The following SLC25A13 variants were observed in gnomAD, a reference collection of about 807,000 sequenced individuals.
The protein encoded by SLC25A13 is solute carrier family 25 member 13, also known as electrogenic aspartate/glutamate antiporter SLC25A13, mitochondrial.
SLC25A13 carries 70 observed loss-of-function variants against 85.5 expected under a neutral mutation model. The ratio of observed to expected loss-of-function variants is 0.82; its 90% CI spans 0.68 to 1.00. The LOEUF (loss-of-function observed/expected upper bound fraction) is 1.00. Among genes scored for constraint, SLC25A13 ranks in the 50% least tolerant of loss-of-function variants. The probability of loss-of-function intolerance (pLI) is 0.00; values close to 1 mark genes in which losing one functional copy is unlikely to be tolerated. For missense variants in SLC25A13, 765 were observed against 819.8 expected (o/e 0.93, Z 0.82); for synonymous variants, 259 against 288.7 (o/e 0.90, Z 1.04).
intron 3 of SLC25A13, among the ~76,000 whole-genome samples, chr7:96,236,311 A>G (rs982206760): frequency 3.3e-5 from 5 of 152,112 alleles, no homozygotes; most frequent in Non-Finnish European, 7.3e-5. Flanking sequence ...TCTCTCACCG[A>G]GACTCTGCGT....
intron 1 of SLC25A13, among the ~76,000 whole-genome samples, chr7:96,305,236 A>T (rs1799701923): frequency 6.6e-6 from 1 of 152,170 alleles, no homozygotes; most frequent in Non-Finnish European, 1.5e-5. Flanking sequence ...TTAGACACTA[A>T]TTATAATACC....
chr7:96,167,241 CAT>C (rs1793791043), intron 13 of SLC25A13, among the ~76,000 whole-genome samples: 1 of 152,162 alleles, frequency 6.6e-6, no homozygotes, highest in Admixed American at 6.5e-5. Flanking sequence ...AGCCCTTTTA[CAT>C]ATGTCAGTGA....
chr7:96,275,217 T>C (rs142795381), intron 3 of SLC25A13, among the ~76,000 whole-genome samples: 1,716 of 152,188 alleles, frequency 0.011, 30 homozygotes, highest in African/African-American at 0.04. Flanking sequence ...ATGGCGATCA[T>C]TAAAAAGTCA....
At chr7:96,290,620 G>A (rs1224201159) in intron 2 of SLC25A13, among the ~76,000 whole-genome samples, 1 of 151,390 alleles carries the variant, frequency 6.6e-6, no homozygotes, top group South Asian at 2.1e-4. Flanking sequence ...AAAGGCAGGG[G>A]TTGCAATCTT....
chr7:96,218,773 T>C (rs1013176359), intron 4 of SLC25A13, among the ~76,000 whole-genome samples: 1 of 152,170 alleles, frequency 6.6e-6, no homozygotes, highest in Non-Finnish European at 1.5e-5. Context: ...AACATAAAAG[T>C]AACCCCTCTT....
At chr7:96,258,265 A>G (rs1437791351) in intron 3 of SLC25A13, among the ~76,000 whole-genome samples, 1 of 152,214 alleles carries the variant, frequency 6.6e-6, no homozygotes, top group Non-Finnish European at 1.5e-5. Flanking sequence ...AATGGAAGAG[A>G]GGAAGTCAAA....
chr7:96,246,344 G>C (rs12704838), intron 3 of SLC25A13, among the ~76,000 whole-genome samples: 83,831 of 152,076 alleles, frequency 0.55, 24,366 homozygotes, highest in Non-Finnish European at 0.64. Context: ...ACCAAAAATT[G>C]ATTGAGCTAA....
chr7:96,290,652 T>C (rs1383138539), intron 2 of SLC25A13, among the ~76,000 whole-genome samples: 1 of 151,108 alleles, frequency 6.6e-6, no homozygotes, highest in African/African-American at 2.4e-5. Context: ...AAACAGACTT[T>C]AAACCAACAA....
At chr7:96,309,364 C>A (rs908009385) in intron 1 of SLC25A13, among the ~76,000 whole-genome samples, 1 of 152,176 alleles carries the variant, frequency 6.6e-6, no homozygotes, top group Non-Finnish European at 1.5e-5. Context: ...TGGGACAGCA[C>A]AACCCCTGCC....
intron 5 of SLC25A13, among the ~76,000 whole-genome samples, chr7:96,200,059 A>C (rs1795196479): frequency 6.6e-6 from 1 of 152,098 alleles, no homozygotes; most frequent in Non-Finnish European, 1.5e-5. Context: ...GAGCCAGGTG[A>C]TTTATATTAT....
At chr7:96,153,362 T>G (rs1584380443) in intron 13 of SLC25A13, among the ~76,000 whole-genome samples, 1 of 152,356 alleles carries the variant, frequency 6.6e-6, no homozygotes, top group Middle Eastern at 3.4e-3. Context: ...TAGGAAGTTA[T>G]GATTAAGTTA....
At chr7:96,169,780 C>A in intron 13 of SLC25A13, 1 of 494,960 alleles carries the variant, frequency 2.0e-6, no homozygotes, top group Non-Finnish European at 3.6e-6. Context: ...ACACTTCTGC[C>A]ACAAATGACT....
At chr7:96,122,678 A>G (rs957103965) in intron 15 of SLC25A13, among the ~76,000 whole-genome samples, 2 of 152,210 alleles carry the variant, frequency 1.3e-5, no homozygotes, top group Non-Finnish European at 1.5e-5. Context: ...AATATTTGAC[A>G]GAAAGCTTAA....
chr7:96,259,985 A>C (rs1035005512), intron 3 of SLC25A13, among the ~76,000 whole-genome samples: 2 of 151,466 alleles, frequency 1.3e-5, no homozygotes, highest in African/African-American at 4.9e-5. Context: ...GTTCGCACTC[A>C]TAAGTGGTAG....
chr7:96,291,726 A>G, intron 2 of SLC25A13, among the ~76,000 whole-genome samples: 1 of 152,224 alleles, frequency 6.6e-6, no homozygotes, highest in East Asian at 1.9e-4. Context: ...AGACTAAACC[A>G]GGAAGAAGTT....
At chr7:96,181,991 T>G (rs1043173612) in intron 11 of SLC25A13, among the ~76,000 whole-genome samples, 1 of 152,226 alleles carries the variant, frequency 6.6e-6, no homozygotes, top group Non-Finnish European at 1.5e-5. Context: ...CTCAGAAATA[T>G]GTCAGGTCTT....
At chr7:96,230,232 G>A (rs1174973334) in intron 4 of SLC25A13, among the ~76,000 whole-genome samples, 2 of 152,176 alleles carry the variant, frequency 1.3e-5, no homozygotes, top group African/African-American at 4.8e-5. Flanking sequence ...GACCAAAAGA[G>A]TACATTCTAT....
At chr7:96,271,734 C>G (rs1798245778) in intron 3 of SLC25A13, among the ~76,000 whole-genome samples, 1 of 151,742 alleles carries the variant, frequency 6.6e-6, no homozygotes, top group Admixed American at 6.6e-5. Context: ...ATATATTACA[C>G]ATTGTTATCT....
At chr7:96,131,654 G>C in intron 15 of SLC25A13, 89 bp downstream of exon 15, 4 of 1,579,072 alleles carry the variant, frequency 2.5e-6, no homozygotes, top group Non-Finnish European at 3.5e-6. Flanking sequence ...AGAACTATCA[G>C]CAAAAAAATT....
Sources: gnomAD v4.1 joint callset for allele counts (sites outside exome capture counted in the v4.1 genomes callset) on GRCh38, gnomAD v4.1.1 for gene constraint, MANE v1.5 for transcripts, NCBI Gene and HGNC (gene_info 2026-07-23, HGNC 2026-07-21) for gene names.